Variants in COL13A1 observed in about 807,000 individuals in gnomAD.
The protein encoded by COL13A1 is collagen type XIII alpha 1 chain, also known as collagen alpha-1(XIII) chain.
In COL13A1, 89 loss-of-function variants were observed where a neutral mutation model predicts 130.9. The ratio of observed to expected loss-of-function variants is 0.68; its 90% CI spans 0.57 to 0.81. The LOEUF (loss-of-function observed/expected upper bound fraction) is 0.81, where lower values mean the gene tolerates loss of function less well. COL13A1 is among the 30% of genes least tolerant of loss of function. The pLI, the probability that COL13A1 is intolerant of heterozygous loss-of-function variation, is 0.00. For synonymous variants in COL13A1, 402 were observed against 341.6 expected, an observed-to-expected ratio of 1.18 and a Z score of -1.95; for missense variants, 879 against 934.6, an observed-to-expected ratio of 0.94 and a Z score of 0.78.
chr10:69,809,744 A>C (rs989367472), intron 1 of COL13A1, among the ~76,000 whole-genome samples: 1 of 152,276 alleles, frequency 6.6e-6, no homozygotes, highest in African/African-American at 2.4e-5. Context: ...CCTTGGCGTC[A>C]GGGCCGTGCC....
intron 17 of COL13A1, among the ~76,000 whole-genome samples, chr10:69,912,874 G>C (rs1216348068): frequency 6.6e-6 from 1 of 152,168 alleles, no homozygotes; most frequent in East Asian, 1.9e-4. Context: ...AGCTTGGCTG[G>C]TTTATGCTCC....
rs146809568 is a variant in COL13A1, at chr10:69,841,598, T to A, written c.364+19160T>A. Among the ~76,000 whole-genome samples, 144 of 152,298 alleles carry A rather than the reference T, an allele frequency of 9.5e-4. 1 individual carries two copies. Among genetic ancestry groups the A allele is most frequent in the African/African-American group, 3.3e-3 (139 of 41,550 alleles). ...TGGTAACCCGAGGGTGAGCAAGACA[T>A]GACTTACGGTTCAGTCAGGGAGGCA... is the stretch of plus-strand genomic sequence containing the variant. On this transcript the variant is annotated intron_variant, in intron 2 of 40. Transcript: ENST00000645393.
chr10:69,949,862 G>A (rs1163605786), intron 38 of COL13A1, among the ~76,000 whole-genome samples: 1 of 151,118 alleles, frequency 6.6e-6, no homozygotes, highest in Non-Finnish European at 1.5e-5. Context: ...AGGTCTGTGT[G>A]CATGCAGTGA....
At chr10:69,852,340 G>T (rs1207975102) in intron 2 of COL13A1, among the ~76,000 whole-genome samples, 1 of 152,164 alleles carries the variant, frequency 6.6e-6, no homozygotes, top group East Asian at 1.9e-4. Flanking sequence ...TACTTGTATG[G>T]TGCTTATTAT....
At chr10:69,927,564 G>A (rs1207858425) in intron 27 of COL13A1, among the ~76,000 whole-genome samples, 1 of 152,158 alleles carries the variant, frequency 6.6e-6, no homozygotes, top group African/African-American at 2.4e-5. Context: ...GAAAACCAGG[G>A]AATTTCAAGT....
chr10:69,895,935 G>T (rs2134861950), intron 13 of COL13A1, among the ~76,000 whole-genome samples: 1 of 152,278 alleles, frequency 6.6e-6, no homozygotes, highest in East Asian at 1.9e-4. Context: ...TGACTTGTGT[G>T]AGTCTGTTTG....
Position 69,944,127 on chromosome 10 carries a change from T to C in COL13A1, c.1917T>C (p.Gly639=). The part of the protein sequence containing the change: ...SGLDGRPGPP[G]TPGPIGVPGP... Reference sequence around the variant, plus strand: ...TCTGCTTTCTTTCCCCTTCCCAGGGTACTCCAGGACCAATTGGAGTTCCAG... The same window carrying C: ...TCTGCTTTCTTTCCCCTTCCCAGGGCACTCCAGGACCAATTGGAGTTCCAG... The change falls in exon 36 of 41, where the codon GGT becomes GGC. Residue 639 remains glycine (G), a splice_region_variant and synonymous_variant. Transcript: ENST00000645393. 7 of 1,613,468 alleles carry C rather than the reference T, an allele frequency of 4.3e-6. No individual in the cohort carries two copies. The highest frequency in any genetic ancestry group is 5.9e-6 in the Non-Finnish European group (7 of 1,179,518).
intron 17 of COL13A1, among the ~76,000 whole-genome samples, chr10:69,915,897 C>T (rs1240555086): frequency 6.6e-6 from 1 of 152,206 alleles, no homozygotes; most frequent in Non-Finnish European, 1.5e-5. Flanking sequence ...GATATCATGA[C>T]ATGATATCAG....
chr10:69,888,191 T>G, intron 8 of COL13A1, 113 bp from the exon 9 acceptor site: 3 of 1,286,202 alleles, frequency 2.3e-6, no homozygotes, highest in Non-Finnish European at 3.3e-6. Flanking sequence ...AGCAGGGCCT[T>G]GAGCTCCAAC....
chr10:69,945,993 C>T (rs1469075640), intron 37 of COL13A1, among the ~76,000 whole-genome samples: 1 of 151,958 alleles, frequency 6.6e-6, no homozygotes, highest in East Asian at 1.9e-4. Flanking sequence ...TCTCTTGAAC[C>T]CAGGAGGTGG....
intron 6 of COL13A1, among the ~76,000 whole-genome samples, chr10:69,878,896 G>A (rs1328616680): frequency 6.6e-6 from 1 of 152,260 alleles, no homozygotes; most frequent in East Asian, 1.9e-4. Context: ...GGGGCTCCAA[G>A]CCAGACCTCC....
At chr10:69,945,799 A>G (rs771567695) in intron 37 of COL13A1, 75 bp downstream of exon 37, 274 of 1,542,604 alleles carry the variant, frequency 1.8e-4, no homozygotes, top group East Asian at 6.8e-4. Context: ...CCGGCCGGGC[A>G]TGGTGGCTCA....
intron 1 of COL13A1, among the ~76,000 whole-genome samples, chr10:69,807,084 C>T (rs1357227342): frequency 1.3e-5 from 2 of 152,178 alleles, no homozygotes; most frequent in Non-Finnish European, 2.9e-5. Flanking sequence ...TCAGCAGCCA[C>T]CTTTAAGGTG....
chr10:69,806,714 G>A (rs1841675584), intron 1 of COL13A1, among the ~76,000 whole-genome samples: 1 of 152,204 alleles, frequency 6.6e-6, no homozygotes, highest in South Asian at 2.1e-4. Flanking sequence ...ATTTAAAAGA[G>A]CCAAATGCTG....
chr10:69,953,107 TG>T (rs2069925941), intron 39 of COL13A1, 139 bp downstream of exon 39: 1 of 575,880 alleles, frequency 1.7e-6, no homozygotes, highest in Non-Finnish European at 2.8e-6. Context: ...TTCATTTGAC[TG>T]GTGAAATTCT....
At chr10:69,905,964 C>T (rs1240841798) in intron 17 of COL13A1, 142 bp downstream of exon 17, 6 of 884,848 alleles carry the variant, frequency 6.8e-6, no homozygotes, top group Non-Finnish European at 1.0e-5. Flanking sequence ...TCACTGGCCC[C>T]CCGAGGGCCT....
At position 69,930,404 on chromosome 10, in the gene COL13A1, C is replaced by A; in HGVS notation, c.1535C>A (p.Pro512His). ...GPPGHDGEKG[P>H]RGKPGDMGPP... Reference sequence around the variant, plus strand: ...CGTTTTTGGTATTTTCTAAAGGGACCTCGCGGTAAACCAGGAGACATGGGC... The same window carrying A: ...CGTTTTTGGTATTTTCTAAAGGGACATCGCGGTAAACCAGGAGACATGGGC... Residue 512 changes from proline to histidine, a missense_variant, in exon 30 of 41, where the codon CCT (proline) becomes CAT (histidine). By Grantham distance (77) the Pro-to-His change is moderately conservative. Around this residue, in one of 3 missense-constraint regions of COL13A1, gnomAD observed 715 missense variants for 721.0 expected, o/e 0.99. Transcript: ENST00000645393. 1 of 1,603,274 alleles carries A rather than the reference C, an allele frequency of 6.2e-7. No homozygotes were observed. Among genetic ancestry groups the A allele is most frequent in the Non-Finnish European group, 8.5e-7 (1 of 1,177,054 alleles).
chr10:69,948,430 C>A (rs2068881949), intron 38 of COL13A1, among the ~76,000 whole-genome samples: 1 of 152,166 alleles, frequency 6.6e-6, no homozygotes, highest in Non-Finnish European at 1.5e-5. Flanking sequence ...TCAGTTTGTC[C>A]CGCATCTTCT....
At chr10:69,934,449 G>T (rs2066561160) in intron 31 of COL13A1, among the ~76,000 whole-genome samples, 1 of 152,216 alleles carries the variant, frequency 6.6e-6, no homozygotes, top group Non-Finnish European at 1.5e-5. Flanking sequence ...CCTCCTGTCT[G>T]CCCAGTGTAG....
Sources: gnomAD v4.1 joint callset for allele counts (sites outside exome capture counted in the v4.1 genomes callset) on GRCh38, gnomAD v4.1.1 for gene constraint, gnomAD v4.1.1 regional missense constraint, MANE v1.5 for transcripts, NCBI Gene and HGNC (gene_info 2026-07-23, HGNC 2026-07-21) for gene names.